NAALADL2: variants seen among roughly 807,000 people sequenced by gnomAD.
NAALADL2 encodes the protein inactive N-acetylated-alpha-linked acidic dipeptidase-like protein 2.
NAALADL2 carries 76 observed loss-of-function variants against 87.2 expected under a neutral mutation model. That is an observed-to-expected ratio of 0.87 (90% CI 0.72 to 1.05). The LOEUF (loss-of-function observed/expected upper bound fraction) is 1.05, where lower values mean the gene tolerates loss of function less well. Among genes scored for constraint, NAALADL2 ranks in the 50% least tolerant of loss-of-function variants. The pLI is 0.00. For missense variants in NAALADL2, 1,089 were observed against 945.8 expected (o/e 1.15, Z -1.99); for synonymous variants, 354 against 331.0 (o/e 1.07, Z -0.75).
At chr3:175,128,795 A>G (rs911633857) in intron 2 of NAALADL2, among the ~76,000 whole-genome samples, 3 of 152,082 alleles carry the variant, frequency 2.0e-5, no homozygotes, top group Non-Finnish European at 2.9e-5. Context: ...CAAATCCAAT[A>G]TTTTTACTTT....
chr3:174,916,295 A>T (rs1342947606), intron 1 of NAALADL2, among the ~76,000 whole-genome samples: 1 of 152,108 alleles, frequency 6.6e-6, no homozygotes, highest in Non-Finnish European at 1.5e-5. Context: ...CACTGTGGAA[A>T]ACAGTATGGA....
chr3:175,084,982 C>T (rs1021993428), intron 1 of NAALADL2, among the ~76,000 whole-genome samples: 1 of 152,162 alleles, frequency 6.6e-6, no homozygotes, highest in African/African-American at 2.4e-5. Context: ...CTCCAAAAGA[C>T]TCCAAGGGCG....
intron 2 of NAALADL2, among the ~76,000 whole-genome samples, chr3:174,668,926 T>C (rs1266256143): frequency 6.6e-6 from 1 of 152,294 alleles, no homozygotes; most frequent in Non-Finnish European, 1.5e-5. Flanking sequence ...TTCCTTTGGG[T>C]ATATACCCAG....
chr3:175,713,357 T>C (rs1178214985), intron 11 of NAALADL2, among the ~76,000 whole-genome samples: 1 of 152,150 alleles, frequency 6.6e-6, no homozygotes, highest in African/African-American at 2.4e-5. Flanking sequence ...TTGTTTTTCT[T>C]TAGGAAAAAG....
intron 2 of NAALADL2, among the ~76,000 whole-genome samples, chr3:174,587,512 A>T (rs1578236431): frequency 6.6e-6 from 1 of 152,080 alleles, no homozygotes. Flanking sequence ...AGTGGCTGGT[A>T]CCTGTTGTTC....
chr3:175,305,500 G>A (rs1757602373), intron 4 of NAALADL2, among the ~76,000 whole-genome samples: 1 of 151,790 alleles, frequency 6.6e-6, no homozygotes, highest in South Asian at 2.1e-4. Context: ...CAGGTTTATG[G>A]CACATTCTTT....
At chr3:175,636,656 C>G (rs1728595466) in intron 11 of NAALADL2, among the ~76,000 whole-genome samples, 1 of 147,754 alleles carries the variant, frequency 6.8e-6, no homozygotes, top group African/African-American at 2.5e-5. Context: ...CAAGATTGCA[C>G]CACTACAGTC....
At chr3:174,849,355 C>CA (rs1197252968) in intron 3 of NAALADL2, among the ~76,000 whole-genome samples, 1 of 152,070 alleles carries the variant, frequency 6.6e-6, no homozygotes, top group African/African-American at 2.4e-5. Flanking sequence ...TACAGCTGTA[C>CA]AAAAATATTT....
At chr3:175,775,252 T>TAAAAC (rs1272504576) in intron 13 of NAALADL2, 2 of 152,002 alleles carry the variant, frequency 1.3e-5, no homozygotes, top group Non-Finnish European at 2.9e-5. Flanking sequence ...AGACATTAAG[T>TAAAAC]AAAACAAAAC....
intron 1 of NAALADL2, among the ~76,000 whole-genome samples, chr3:174,869,731 A>G (rs1246532736): frequency 1.3e-5 from 2 of 152,154 alleles, no homozygotes; most frequent in Admixed American, 6.6e-5. Context: ...GGAAAGCACT[A>G]GGAAAAAAAT....
At position 174,693,822 on chromosome 3, in the gene NAALADL2, G is replaced by A. The variant is rs185927122; in HGVS notation, c.-114-43819G>A. Among the ~76,000 whole-genome samples, 4 of 152,174 alleles carry A rather than the reference G, an allele frequency of 2.6e-5. No individual in the cohort carries two copies. In the East Asian group the frequency reaches 5.8e-4, roughly 22 times the overall value. ...GAGAGTGTGTACATATGTCATTTGC[G>A]TGCCACTCTCCCTCTTCTAGTCACA... is the stretch of plus-strand genomic sequence containing the variant. On this transcript the variant is annotated intron_variant, in intron 2 of 3. Transcript: ENST00000434257.
intron 2 of NAALADL2, among the ~76,000 whole-genome samples, chr3:175,158,902 G>C (rs1488642446): frequency 6.6e-6 from 1 of 151,986 alleles, no homozygotes; most frequent in East Asian, 1.9e-4. Context: ...ATTGAAAACA[G>C]ATTATAAAAA....
intron 11 of NAALADL2, among the ~76,000 whole-genome samples, chr3:175,670,388 T>TTCAATTATA (rs1733770833): frequency 1.3e-5 from 2 of 148,670 alleles, no homozygotes; most frequent in African/African-American, 4.9e-5. Context: ...AATTATAACA[T>TTCAATTATA]TTAATTATAT....
chr3:174,937,270 G>T (rs1005460058), intron 1 of NAALADL2, among the ~76,000 whole-genome samples: 1 of 151,972 alleles, frequency 6.6e-6, no homozygotes, highest in African/African-American at 2.4e-5. Flanking sequence ...CTAAGCTAGG[G>T]TCCCTATTCC....
At chr3:174,822,297 G>C (rs1361773418) in intron 3 of NAALADL2, among the ~76,000 whole-genome samples, 1 of 152,084 alleles carries the variant, frequency 6.6e-6, no homozygotes, top group Non-Finnish European at 1.5e-5. Context: ...TATTGCACAG[G>C]AGCTGGTCCA....
chr3:175,145,679 G>A (rs992151293), intron 2 of NAALADL2, among the ~76,000 whole-genome samples: 5 of 132,852 alleles, frequency 3.8e-5, no homozygotes, highest in Non-Finnish European at 8.4e-5. Flanking sequence ...TGATACTTCT[G>A]TGTATTTTTT....
In NAALADL2 at chr3:174,604,703, G is replaced by A. The variant is rs796870169; in HGVS notation, c.-115+54066G>A. Among the ~76,000 whole-genome samples, 35 of 150,650 alleles carry A rather than the reference G, an allele frequency of 2.3e-4. 1 individual carries two copies. Among genetic ancestry groups the A allele is most frequent in the African/African-American group, 7.5e-4 (31 of 41,162 alleles). The stretch of plus-strand genomic sequence containing the variant: ...CTTTCATTAAAGGTAATTTTCTCTG[G>A]TGATGTAATCTAGTTTTTATTTTTT... On this transcript the variant is annotated intron_variant, in intron 2 of 3. Coordinates refer to the NAALADL2 transcript ENST00000434257.
At chr3:175,079,079 TC>T (rs1260053787) in intron 1 of NAALADL2, among the ~76,000 whole-genome samples, 3 of 152,344 alleles carry the variant, frequency 2.0e-5, no homozygotes, top group Non-Finnish European at 4.4e-5. Context: ...TTCTCTAATA[TC>T]CTTTCCAACA....
chr3:175,397,416 G>A (rs1197057793), intron 5 of NAALADL2: 2 of 152,012 alleles, frequency 1.3e-5, no homozygotes, highest in Non-Finnish European at 2.9e-5. Flanking sequence ...GTGGGGCACA[G>A]GTATAACAGA....
Sources: allele counts gnomAD v4.1 joint callset (sites outside exome capture counted in the v4.1 genomes callset), GRCh38; gene constraint gnomAD v4.1.1; transcripts MANE v1.5; gene names NCBI Gene and HGNC (gene_info 2026-07-23, HGNC 2026-07-21).